The following PDE10A variants were observed in gnomAD, a reference collection of about 807,000 sequenced individuals.
PDE10A encodes the protein cAMP and cAMP-inhibited cGMP 3',5'-cyclic phosphodiesterase 10A.
Under a neutral mutation model 97.7 loss-of-function variants are expected in PDE10A, and 39 were observed. The observed-to-expected ratio is 0.40, with a 90% confidence interval of 0.31 to 0.52. The LOEUF (loss-of-function observed/expected upper bound fraction) is 0.52. Among genes scored for constraint, PDE10A ranks in the 20% least tolerant of loss-of-function variants. The pLI, the probability that PDE10A is intolerant of heterozygous loss-of-function variation, is 0.56. For missense variants in PDE10A, 731 were observed against 1,047.8 expected (o/e 0.70, Z 4.17); for synonymous variants, 371 against 376.8 (o/e 0.98, Z 0.18).
At chr6:165,831,970 G>C (rs933305371) in intron 1 of PDE10A, among the ~76,000 whole-genome samples, 17 of 150,866 alleles carry the variant, frequency 1.1e-4, no homozygotes, top group African/African-American at 4.2e-4. Context: ...AAAGACAAAT[G>C]CAAACAAACA....
At chr6:165,606,479 A>T (rs1316991924) in intron 1 of PDE10A, among the ~76,000 whole-genome samples, 7 of 152,176 alleles carry the variant, frequency 4.6e-5, no homozygotes, top group Non-Finnish European at 7.3e-5. Context: ...AGGGGATGGG[A>T]GCGTGGGAAA....
At chr6:165,879,264 CT>C (rs1376715484) in intron 1 of PDE10A, among the ~76,000 whole-genome samples, 2 of 152,168 alleles carry the variant, frequency 1.3e-5, no homozygotes, top group Non-Finnish European at 2.9e-5. Flanking sequence ...TGAATTTTAT[CT>C]TTGAAATGGT....
At chr6:165,768,839 T>C (rs1777932819) in intron 1 of PDE10A, among the ~76,000 whole-genome samples, 1 of 152,160 alleles carries the variant, frequency 6.6e-6, no homozygotes, top group Admixed American at 6.5e-5. Flanking sequence ...GTGATCGTAA[T>C]CATCTTTGTT....
chr6:165,393,236 C>G (rs1583184957), intron 15 of PDE10A, among the ~76,000 whole-genome samples: 1 of 152,246 alleles, frequency 6.6e-6, no homozygotes, highest in East Asian at 1.9e-4. Flanking sequence ...ATATGTATAT[C>G]ATGAGACTTT....
chr6:165,380,576 T>C (rs1316819830), intron 17 of PDE10A, among the ~76,000 whole-genome samples: 5 of 152,240 alleles, frequency 3.3e-5, no homozygotes, highest in Admixed American at 3.3e-4. Context: ...TTGTAGAAAG[T>C]TCTACAGCTT....
intron 1 of PDE10A, among the ~76,000 whole-genome samples, chr6:165,800,757 C>T (rs138968388): frequency 3.7e-4 from 57 of 152,316 alleles, no homozygotes; most frequent in African/African-American, 1.3e-3. Context: ...CATTTGGTGC[C>T]GCTAGAGCAT....
intron 2 of PDE10A, among the ~76,000 whole-genome samples, chr6:165,528,043 T>G (rs982466590): frequency 1.3e-5 from 2 of 152,206 alleles, no homozygotes; most frequent in African/African-American, 4.8e-5. Context: ...TTGTGCACTT[T>G]GAATGGAAGG....
intron 1 of PDE10A, among the ~76,000 whole-genome samples, chr6:165,709,861 A>C (rs1791851632): frequency 2.0e-5 from 3 of 150,498 alleles, no homozygotes; most frequent in Non-Finnish European, 4.4e-5. Context: ...TACCTGTTGC[A>C]TTGCTTCACT....
intron 1 of PDE10A, among the ~76,000 whole-genome samples, chr6:165,982,041 C>T (rs572991223): frequency 3.3e-5 from 5 of 152,278 alleles, no homozygotes; most frequent in Non-Finnish European, 7.4e-5. Context: ...TCTCCCAATG[C>T]TAACTACCCA....
At chr6:165,869,291 C>T (rs1012466484) in intron 1 of PDE10A, among the ~76,000 whole-genome samples, 1 of 151,516 alleles carries the variant, frequency 6.6e-6, no homozygotes, top group African/African-American at 2.4e-5. Flanking sequence ...CATTTTAATA[C>T]ACCAATAACA....
upstream of PDE10A, among the ~76,000 whole-genome samples, chr6:165,664,035 T>C (rs1332854735): frequency 6.6e-6 from 1 of 152,110 alleles, no homozygotes; most frequent in East Asian, 1.9e-4. Context: ...GCGCGCTGGG[T>C]CCGAGGAGGG....
intron 1 of PDE10A, among the ~76,000 whole-genome samples, chr6:165,853,784 G>A (rs1487364765): frequency 1.3e-5 from 2 of 152,206 alleles, no homozygotes; most frequent in African/African-American, 4.8e-5. Flanking sequence ...TTTTAGGAAC[G>A]TAGCAATCAT....
chr6:165,957,437 T>C (rs1421308518), intron 1 of PDE10A, among the ~76,000 whole-genome samples: 1 of 151,944 alleles, frequency 6.6e-6, no homozygotes, highest in Non-Finnish European at 1.5e-5. Flanking sequence ...GCTGTGATTG[T>C]GCAGCTGCAC....
In PDE10A at chr6:165,692,024, G is replaced by A. The variant is rs183609151; in HGVS notation, c.-614-148456C>T. Among the ~76,000 whole-genome samples the A allele has an allele frequency of 3.8e-3, 574 of 152,310 alleles. 3 individuals are homozygous for A. Among genetic ancestry groups the A allele is most frequent in the Non-Finnish European group, 6.3e-3 (430 of 68,016 alleles). ...TTCCTTACCATGAATCATCTCTTGA[G>A]TAGGCCCCTATCTCTTTGTCATTTT... On this transcript the variant is annotated intron_variant, in intron 1 of 19. Coordinates refer to the PDE10A transcript ENST00000366882.
At position 165,691,587 on chromosome 6, in the gene PDE10A, G is replaced by GCA. The variant is rs1554306103; in HGVS notation, c.-614-148020_-614-148019insTG. ...CGTGCCCATGCGCACGCATGCACGC[G>GCA]CGCGCACACACACACACACACACAC... On this transcript the variant is annotated intron_variant, in intron 1 of 19. Coordinates refer to the PDE10A transcript ENST00000366882. Among the ~76,000 whole-genome samples the GCA allele has an allele frequency of 2.8e-4, 13 of 46,682 alleles. No homozygotes were observed. The East Asian group carries it at 6.7e-3, about 24-fold the overall frequency. 30.6% of individuals were successfully genotyped at this position (46,682 alleles called of 152,430 possible).
intron 14 of PDE10A, among the ~76,000 whole-genome samples, chr6:165,395,938 A>G (rs952300849): frequency 6.6e-6 from 1 of 152,156 alleles, no homozygotes; most frequent in African/African-American, 2.4e-5. Flanking sequence ...ACTATGACAA[A>G]ATTCTTGAAT....
At chr6:165,956,788 C>G (rs543657923) in intron 1 of PDE10A, among the ~76,000 whole-genome samples, 1 of 152,130 alleles carries the variant, frequency 6.6e-6, no homozygotes, top group African/African-American at 2.4e-5. Context: ...GTATGGAATC[C>G]GAATCATGTC....
intron 1 of PDE10A, among the ~76,000 whole-genome samples, chr6:165,964,583 T>A (rs1177226273): frequency 6.6e-6 from 1 of 152,188 alleles, no homozygotes; most frequent in Non-Finnish European, 1.5e-5. Flanking sequence ...TCTCTCATCA[T>A]CTTCATCAAC....
intron 1 of PDE10A, among the ~76,000 whole-genome samples, chr6:165,761,005 C>T (rs1029682074): frequency 6.6e-6 from 1 of 152,212 alleles, no homozygotes; most frequent in Admixed American, 6.5e-5. Context: ...AGCTTACACA[C>T]TGGGAGAACG....
Sources: gnomAD v4.1 joint callset for allele counts (sites outside exome capture counted in the v4.1 genomes callset) on GRCh38, gnomAD v4.1.1 for gene constraint, MANE v1.5 for transcripts, NCBI Gene and HGNC (gene_info 2026-07-23, HGNC 2026-07-21) for gene names.